The following PRKN variants were observed in gnomAD, a reference collection of about 807,000 sequenced individuals.
PRKN encodes the protein E3 ubiquitin-protein ligase parkin.
PRKN carries 56 observed loss-of-function variants against 59.5 expected under a neutral mutation model. The ratio of observed to expected loss-of-function variants is 0.94; its 90% CI spans 0.76 to 1.18. The LOEUF is 1.18. PRKN is among the 50% of genes most tolerant of loss of function. The probability of loss-of-function intolerance (pLI) is 0.00; values close to 1 mark genes in which losing one functional copy is unlikely to be tolerated. For missense variants in PRKN, 657 were observed against 596.4 expected, an observed-to-expected ratio of 1.10 and a Z score of -1.06; for synonymous variants, 250 against 222.1, an observed-to-expected ratio of 1.13 and a Z score of -1.12.
chr6:162,087,290 T>G (rs1420591196), intron 4 of PRKN, among the ~76,000 whole-genome samples: 1 of 152,152 alleles, frequency 6.6e-6, no homozygotes, highest in Non-Finnish European at 1.5e-5. Context: ...TAAAATTACA[T>G]TAAGATATCA....
In PRKN at chr6:162,445,860, G is replaced by A. The variant is rs570802785; in HGVS notation, c.8-2387C>T. 4.6e-5 allele frequency among the ~76,000 whole-genome samples: 7 copies of A among 152,016 alleles called. No homozygotes were observed. In the South Asian group the frequency reaches 8.3e-4, roughly 18 times the overall value. On this transcript the variant is annotated intron_variant, in intron 1 of 11. Coordinates refer to ENST00000366898, the MANE Select transcript of PRKN (RefSeq NM_004562.3). ...AGTGAGGAGCTAAGAGCAAAGGACC[G>A]TGAACAATAACCATGAACAACATGG...
chr6:162,235,946 G>A (rs35598014), intron 3 of PRKN, among the ~76,000 whole-genome samples: 21,687 of 80,024 alleles, frequency 0.27, 2,889 homozygotes, highest in African/African-American at 0.44. Flanking sequence ...AGGAAGGAAG[G>A]AAGGAAGAAA....
At position 161,736,108 on chromosome 6, in the gene PRKN, A is replaced by G. The variant is rs1395496607; in HGVS notation, c.871+49664T>C. ...CATTCATTCTTTCACTCATTCATCC[A>G]TTCATTCATTTGCTGTTCACTGAAG... On this transcript the variant is annotated intron_variant, in intron 7 of 11. Transcript: ENST00000366898. 2.0e-5 allele frequency among the ~76,000 whole-genome samples: 3 copies of G among 152,172 alleles called. No individual in the cohort carries two copies. In the East Asian group the frequency reaches 5.8e-4, roughly 29 times the overall value.
At chr6:161,710,601 A>G (rs555151688) in intron 7 of PRKN, among the ~76,000 whole-genome samples, 62 of 152,308 alleles carry the variant, frequency 4.1e-4, no homozygotes, top group African/African-American at 1.4e-3. Flanking sequence ...TTGATGATCC[A>G]GTCTTCTGTT....
intron 9 of PRKN, among the ~76,000 whole-genome samples, chr6:161,522,679 T>C (rs1447418810): frequency 2.0e-5 from 3 of 152,214 alleles, no homozygotes; most frequent in Non-Finnish European, 4.4e-5. Flanking sequence ...GTGTTTCTAG[T>C]AAACAGTCAG....
chr6:161,524,127 C>T (rs1400893520), intron 9 of PRKN, among the ~76,000 whole-genome samples: 1 of 152,090 alleles, frequency 6.6e-6, no homozygotes, highest in African/African-American at 2.4e-5. Flanking sequence ...ATAATACCAG[C>T]TTTCTGTGCA....
chr6:161,821,285 A>G (rs1792012372), intron 6 of PRKN, among the ~76,000 whole-genome samples: 1 of 152,168 alleles, frequency 6.6e-6, no homozygotes, highest in Non-Finnish European at 1.5e-5. Flanking sequence ...ATATAGGCAG[A>G]ATTAAATCTT....
At chr6:162,674,046 C>T (rs1779442791) in intron 1 of PRKN, among the ~76,000 whole-genome samples, 2 of 152,146 alleles carry the variant, frequency 1.3e-5, no homozygotes, top group South Asian at 2.1e-4. Flanking sequence ...CCAGCCAATC[C>T]GTGCACAGTG....
At chr6:162,021,461 A>ATATATATATT (rs59250759) in intron 5 of PRKN, among the ~76,000 whole-genome samples, 1 of 24,650 alleles carries the variant, frequency 4.1e-5, no homozygotes, top group African/African-American at 9.2e-5. Context: ...ATATATATAT[A>ATATATATATT]TTTTTTTTTT....
chr6:162,319,602 T>A (rs1782900782), intron 2 of PRKN, among the ~76,000 whole-genome samples: 1 of 152,024 alleles, frequency 6.6e-6, no homozygotes, highest in Non-Finnish European at 1.5e-5. Flanking sequence ...ACATTCATTA[T>A]CTCATTAAAT....
intron 1 of PRKN, among the ~76,000 whole-genome samples, chr6:162,597,478 G>A (rs1781536375): frequency 6.6e-6 from 1 of 152,124 alleles, no homozygotes; most frequent in Non-Finnish European, 1.5e-5. Context: ...ATAAAGAATA[G>A]TTTTGATTCA....
intron 4 of PRKN, among the ~76,000 whole-genome samples, chr6:162,092,958 C>G (rs140468373): frequency 3.3e-5 from 5 of 152,190 alleles, no homozygotes; most frequent in African/African-American, 1.2e-4. Context: ...GTCTGCCTCA[C>G]GCTTAGCTCT....
intron 7 of PRKN, among the ~76,000 whole-genome samples, chr6:161,613,001 C>G (rs1370544349): frequency 6.6e-6 from 1 of 152,158 alleles, no homozygotes. Context: ...ATAATTTCAA[C>G]TTTTGAGTCT....
At chr6:162,253,291 A>ATCTAT (rs1343802865) in intron 3 of PRKN, among the ~76,000 whole-genome samples, 6 of 151,872 alleles carry the variant, frequency 4.0e-5, no homozygotes, top group African/African-American at 7.3e-5. Flanking sequence ...ATCTAATCTA[A>ATCTAT]TCTAATCTAA....
At chr6:161,713,369 G>A (rs1786834277) in intron 7 of PRKN, among the ~76,000 whole-genome samples, 1 of 152,074 alleles carries the variant, frequency 6.6e-6, no homozygotes. Context: ...GAGGTCAATG[G>A]GTGGGGCTGA....
chr6:161,707,423 A>C (rs1225669408), intron 7 of PRKN, among the ~76,000 whole-genome samples: 2 of 152,192 alleles, frequency 1.3e-5, no homozygotes, highest in African/African-American at 2.4e-5. Context: ...TTAATGAAGA[A>C]TCTCTTTCTC....
At chr6:162,547,010 T>G (rs990141091) in intron 1 of PRKN, among the ~76,000 whole-genome samples, 8 of 152,194 alleles carry the variant, frequency 5.3e-5, no homozygotes, top group Non-Finnish European at 1.2e-4. Context: ...CCAAGGGGCT[T>G]GCTATTCTAC....
At chr6:161,933,017 C>T (rs1055649873) in intron 6 of PRKN, among the ~76,000 whole-genome samples, 8 of 152,180 alleles carry the variant, frequency 5.3e-5, no homozygotes, top group Admixed American at 2.0e-4. Context: ...TGATGGCTCA[C>T]GCCTGTAATC....
chr6:162,182,491 G>T (rs188766916), intron 4 of PRKN, among the ~76,000 whole-genome samples: 1 of 152,124 alleles, frequency 6.6e-6, no homozygotes, highest in Non-Finnish European at 1.5e-5. Context: ...TACTGACATG[G>T]GACAGTGAAG....
Sources: gnomAD v4.1 joint callset for allele counts (sites outside exome capture counted in the v4.1 genomes callset) on GRCh38, gnomAD v4.1.1 for gene constraint, MANE v1.5 for transcripts, NCBI Gene and HGNC (gene_info 2026-07-23, HGNC 2026-07-21) for gene names.